SMIM21: variants seen among roughly 807,000 people sequenced by gnomAD.
SMIM21 encodes the protein chromosome 18 open reading frame 62.
Under a neutral mutation model 8.6 loss-of-function variants are expected in SMIM21, and 8 were observed. The observed-to-expected ratio is 0.93, with a 90% CI of 0.55 to 1.68. SMIM21 has a LOEUF of 1.68. Ranked by LOEUF, SMIM21 falls within the 40% of genes most tolerant of loss-of-function variation. SMIM21 has a pLI of 0.00. For synonymous variants in SMIM21, 43 were observed against 41.7 expected, an observed-to-expected ratio of 1.03 and a Z score of -0.12; for missense variants, 132 against 123.0, an observed-to-expected ratio of 1.07 and a Z score of -0.35.
intron 1 of SMIM21, among the ~76,000 whole-genome samples, chr18:75,424,607 A>T (rs2024742513): frequency 6.6e-6 from 1 of 152,122 alleles, no homozygotes; most frequent in Non-Finnish European, 1.5e-5. Flanking sequence ...GTATCACTCC[A>T]AGTCCTGTGC....
In SMIM21 at chr18:75,410,741, T is replaced by C. The variant is rs536873761; in HGVS notation, c.*123A>G. ...ACGTTCTTCATTCTCTCTGTGGAGC[T>C]CCTTTTAAAAAGTGAGCAATAATCT... On this transcript the variant is annotated 3_prime_UTR_variant, in exon 3 of 3. Transcript: ENST00000579022. The C allele has an allele frequency of 7.2e-6, 11 of 1,523,228 alleles. No homozygotes were observed. The African/African-American group carries it at 8.4e-5, about 12-fold the overall frequency. 94.4% of individuals were successfully genotyped at this position (1,523,228 alleles called of 1,614,324 possible).
intron 1 of SMIM21, 43 bp downstream of exon 1, chr18:75,427,392 T>TA: frequency 6.3e-7 from 1 of 1,598,812 alleles, no homozygotes; most frequent in Non-Finnish European, 8.5e-7. Context: ...TGTGCAGTGA[T>TA]ACGTCTCTCT....
chr18:75,413,348 C>T (rs576513759), intron 2 of SMIM21, among the ~76,000 whole-genome samples: 1 of 152,328 alleles, frequency 6.6e-6, no homozygotes, highest in South Asian at 2.1e-4. Context: ...ATTTTGTCTG[C>T]TTTTATTTTC....
rs141302115 is a variant in SMIM21, at chr18:75,414,917, A to G, written c.260+3869T>C. Among the ~76,000 whole-genome samples, 1,763 of 152,322 alleles carry G rather than the reference A, an allele frequency of 0.012. 51 individuals carry two copies. The South Asian group carries it at 0.13, about 11-fold the overall frequency. Reference sequence around the variant, plus strand: ...ATCTTGGTTTTTGAATTCTGAGAGCATAGAATTCAGAGAACACAAAATATT... The same window carrying G: ...ATCTTGGTTTTTGAATTCTGAGAGCGTAGAATTCAGAGAACACAAAATATT... On this transcript the variant is annotated intron_variant, in intron 2 of 2. Coordinates refer to ENST00000579022, the MANE Select transcript of SMIM21 (RefSeq NM_001037331.3).
intron 2 of SMIM21, chr18:75,415,937 T>C (rs1290489350): frequency 6.6e-6 from 1 of 152,234 alleles, no homozygotes; most frequent in Non-Finnish European, 1.5e-5. Context: ...TCATAATTCA[T>C]GAAAGCATCT....
In SMIM21 at chr18:75,409,785, G is replaced by A. The variant is rs2024563085; in HGVS notation, c.*1079C>T. 6.6e-6 allele frequency: 1 copy of A among 152,252 alleles called. No homozygotes were observed. The highest frequency in any genetic ancestry group is 1.9e-4 in the East Asian group (1 of 5,186). 9.4% of individuals were successfully genotyped at this position (152,252 alleles called of 1,614,324 possible). A position where few individuals can be genotyped will look rare whatever the true frequency, so the allele number is the denominator to read the frequency against. On this transcript the variant is annotated 3_prime_UTR_variant, in exon 3 of 3. Transcript: ENST00000579022. ...CTGTCATTCCTCCACTTTGTTCCGG[G>A]GAGCCCAGCCATCTGCACTCAGGTC...
chr18:75,427,378 T>G, intron 1 of SMIM21, 57 bp downstream of exon 1: 1 of 1,577,648 alleles, frequency 6.3e-7, no homozygotes, highest in Non-Finnish European at 8.6e-7. Flanking sequence ...TGTAGGACCA[T>G]ACCTGTGCAG....
chr18:75,410,951 A>G, intron 2 of SMIM21, 42 bp from the exon 3 acceptor site: 2 of 1,605,686 alleles, frequency 1.2e-6, no homozygotes, highest in African/African-American at 1.3e-5. Context: ...TATTTTTTTG[A>G]TAGATATAAT....
intron 2 of SMIM21, 143 bp from the exon 3 acceptor site, chr18:75,411,052 G>A (rs2024578969): frequency 8.1e-7 from 1 of 1,231,122 alleles, no homozygotes; most frequent in African/African-American, 1.5e-5. Context: ...GGAGTGTTTT[G>A]AGGCTGAGGA....
intron 1 of SMIM21, among the ~76,000 whole-genome samples, chr18:75,423,477 C>T (rs1450203331): frequency 6.6e-6 from 1 of 152,240 alleles, no homozygotes; most frequent in Non-Finnish European, 1.5e-5. Context: ...GTGACCCTTC[C>T]TGGGGTGAGA....
chr18:75,422,687 A>G (rs1009246313), intron 1 of SMIM21, among the ~76,000 whole-genome samples: 2 of 152,224 alleles, frequency 1.3e-5, no homozygotes, highest in East Asian at 3.8e-4. Flanking sequence ...GGAAAACATT[A>G]TACTTAGTGA....
At chr18:75,426,095 A>G (rs1389324032) in intron 1 of SMIM21, among the ~76,000 whole-genome samples, 1 of 152,130 alleles carries the variant, frequency 6.6e-6, no homozygotes, top group Non-Finnish European at 1.5e-5. Context: ...ACACCGGCCT[A>G]GTATTAATTC....
intron 1 of SMIM21, among the ~76,000 whole-genome samples, chr18:75,422,603 A>G (rs2024721065): frequency 6.6e-6 from 1 of 152,218 alleles, no homozygotes; most frequent in African/African-American, 2.4e-5. Context: ...TAAATTTGAT[A>G]AATCCGTAGA....
intron 2 of SMIM21, chr18:75,415,925 TATC>T (rs1297206433): frequency 6.6e-6 from 1 of 152,216 alleles, no homozygotes; most frequent in Non-Finnish European, 1.5e-5. Context: ...TTTATGAACT[TATC>T]ATAATTCATG....
chr18:75,416,147 T>C (rs2144549731), intron 2 of SMIM21: 1 of 152,380 alleles, frequency 6.6e-6, no homozygotes, highest in African/African-American at 2.4e-5. Context: ...CAGTTGGTTG[T>C]TCCTGCCAAC....
At chr18:75,421,262 G>A (rs1322111318) in intron 1 of SMIM21, among the ~76,000 whole-genome samples, 1 of 152,190 alleles carries the variant, frequency 6.6e-6, no homozygotes, top group East Asian at 1.9e-4. Context: ...ACAGCATTCT[G>A]TGTAAACGTT....
At position 75,418,917 on chromosome 18, in the gene SMIM21, C is replaced by T. The variant is rs1441262979; in HGVS notation, c.130-1G>A. 13 of 1,586,210 alleles carry T rather than the reference C, an allele frequency of 8.2e-6. No homozygotes were observed. In the Admixed American group the frequency reaches 2.2e-4, roughly 27 times the overall value. On this transcript the variant is annotated splice_acceptor_variant, in intron 1 of 2. Coordinates refer to ENST00000579022, the MANE Select transcript of SMIM21 (RefSeq NM_001037331.3). LOFTEE classifies it high-confidence loss of function. Reference sequence around the variant, plus strand: ...AACGAATATGGTGTTCATTTTCAAACTGAAAAAGGAAATAATTACAGTTAC... The same window carrying T: ...AACGAATATGGTGTTCATTTTCAAATTGAAAAAGGAAATAATTACAGTTAC...
intron 1 of SMIM21, among the ~76,000 whole-genome samples, chr18:75,420,580 G>A (rs1161241449): frequency 3.3e-5 from 5 of 152,120 alleles, no homozygotes; most frequent in Non-Finnish European, 7.4e-5. Context: ...TTGCAAAAGG[G>A]CCATCAGGAG....
chr18:75,410,950 GATAGAT>G (rs2024577744), intron 2 of SMIM21, 41 bp from the exon 3 acceptor site: 1 of 1,606,918 alleles, frequency 6.2e-7, no homozygotes, highest in Non-Finnish European at 8.5e-7. Context: ...TTATTTTTTT[GATAGAT>G]ATAATCAAAA....
Sources: allele counts gnomAD v4.1 joint callset (sites outside exome capture counted in the v4.1 genomes callset), GRCh38; gene constraint gnomAD v4.1.1; transcripts MANE v1.5; gene names NCBI Gene and HGNC (gene_info 2026-07-23, HGNC 2026-07-21).